Variants in SPATA16 observed in about 807,000 individuals in gnomAD.
SPATA16 encodes the protein spermatogenesis-associated protein 16.
In SPATA16, 36 loss-of-function variants were observed where a neutral mutation model predicts 63.3. That is an observed-to-expected ratio of 0.57 (90% CI 0.44 to 0.75). The LOEUF (loss-of-function observed/expected upper bound fraction) is 0.75. SPATA16 is among the 30% of genes least tolerant of loss of function. The pLI, the probability that SPATA16 is intolerant of heterozygous loss-of-function variation, is 0.00. For missense variants in SPATA16, 646 were observed against 679.3 expected, an observed-to-expected ratio of 0.95 and a Z score of 0.54; for synonymous variants, 203 against 216.7, an observed-to-expected ratio of 0.94 and a Z score of 0.56.
In SPATA16 at chr3:172,913,671, A is replaced by G. The variant is rs62622782; in HGVS notation, c.1577T>C (p.Met526Thr). The G allele has an allele frequency of 0.021, 34,495 of 1,612,806 alleles. 458 individuals are homozygous for G. The highest frequency in any genetic ancestry group is 0.046 in the Middle Eastern group (281 of 6,044). ...RRNNNERVWN[M>T]IQKVGQIEDF... ...AGCTCAAAGTTTTACCTTTTGGATC[A>G]TATTCCACACACGTTCATTATTGTT... Residue 526 changes from methionine to threonine, a missense_variant, in exon 10 of 11, where the codon ATG (methionine) becomes ACG (threonine). By Grantham distance (81) the Met-to-Thr change is moderately conservative (BLOSUM62 -1). Coordinates refer to ENST00000351008, the MANE Select transcript of SPATA16 (RefSeq NM_031955.6).
intron 2 of SPATA16, among the ~76,000 whole-genome samples, chr3:173,071,468 A>C: frequency 6.6e-6 from 1 of 152,186 alleles, no homozygotes; most frequent in Non-Finnish European, 1.5e-5. Context: ...GGATCACATC[A>C]AGCTAAAAAA....
At chr3:173,129,883 G>A (rs1738324335) in intron 1 of SPATA16, among the ~76,000 whole-genome samples, 1 of 152,018 alleles carries the variant, frequency 6.6e-6, no homozygotes, top group African/African-American at 2.4e-5. Context: ...ACTGGAATGG[G>A]TACACTACGG....
intron 4 of SPATA16, among the ~76,000 whole-genome samples, chr3:172,987,066 G>GT (rs1172104669): frequency 1.3e-5 from 2 of 152,160 alleles, no homozygotes; most frequent in African/African-American, 2.4e-5. Flanking sequence ...CATTGAAGAA[G>GT]TTATTGTTCC....
At chr3:173,090,308 A>G (rs1157823048) in intron 2 of SPATA16, among the ~76,000 whole-genome samples, 1 of 151,902 alleles carries the variant, frequency 6.6e-6, no homozygotes, top group Non-Finnish European at 1.5e-5. Flanking sequence ...ATCCCCTTTC[A>G]CCTTCTGCAA....
At chr3:172,961,018 TTCTCTCTTTCTC>T (rs1335447581) in intron 5 of SPATA16, among the ~76,000 whole-genome samples, 1 of 52,490 alleles carries the variant, frequency 1.9e-5, no homozygotes, top group Non-Finnish European at 5.3e-5. Context: ...TTCTTTCTTT[TTCTCTCTTTCTC>T]TCTTTCTTTC....
intron 2 of SPATA16, among the ~76,000 whole-genome samples, chr3:173,051,579 T>A (rs1736096704): frequency 6.6e-6 from 1 of 151,966 alleles, no homozygotes; most frequent in Admixed American, 6.6e-5. Flanking sequence ...TCAAGTAATC[T>A]GCTCGCCTCA....
At chr3:173,110,105 A>T (rs1533699) in intron 2 of SPATA16, among the ~76,000 whole-genome samples, 57,675 of 152,082 alleles carry the variant, frequency 0.38, 13,172 homozygotes, top group African/African-American at 0.65. Flanking sequence ...CAAATTTTTT[A>T]AAATCATTAA....
chr3:173,065,601 T>C (rs1736499955), intron 2 of SPATA16, among the ~76,000 whole-genome samples: 1 of 152,078 alleles, frequency 6.6e-6, no homozygotes, highest in Admixed American at 6.5e-5. Context: ...GAGAGCAGTA[T>C]TAAAGAGGGC....
chr3:172,944,453 C>A (rs1733234164), intron 6 of SPATA16, among the ~76,000 whole-genome samples: 1 of 152,116 alleles, frequency 6.6e-6, no homozygotes, highest in African/African-American at 2.4e-5. Flanking sequence ...GACATGACAC[C>A]TACTCAAAAA....
At chr3:172,936,920 A>C (rs184971646) in intron 6 of SPATA16, among the ~76,000 whole-genome samples, 78 of 152,244 alleles carry the variant, frequency 5.1e-4, no homozygotes, top group Non-Finnish European at 8.8e-4. Context: ...CATACTGGCC[A>C]GGCTGGACTC....
At chr3:172,997,044 T>C (rs1014566469) in intron 4 of SPATA16, among the ~76,000 whole-genome samples, 1 of 152,180 alleles carries the variant, frequency 6.6e-6, no homozygotes, top group South Asian at 2.1e-4. Flanking sequence ...CTGAAGAACA[T>C]CTTGGTTGCA....
chr3:173,039,302 A>G (rs1163214778), intron 3 of SPATA16, among the ~76,000 whole-genome samples: 1 of 152,172 alleles, frequency 6.6e-6, no homozygotes, highest in Non-Finnish European at 1.5e-5. Context: ...AATCATCTTA[A>G]AATAATATGA....
chr3:172,921,183 A>T (rs1577089895), intron 8 of SPATA16, among the ~76,000 whole-genome samples: 3 of 151,204 alleles, frequency 2.0e-5, no homozygotes, highest in South Asian at 2.1e-4. Context: ...ATTACAGGCA[A>T]TTTTTTCCTA....
Position 173,117,284 on chromosome 3 carries a change from G to C in SPATA16, c.448C>G (p.Pro150Ala), listed in dbSNP as rs772188581. ...VESFMSTGSQ[P>A]TCQAAEIVDP... ...ACTATTTCAGCAGCTTGGCATGTTG[G>C]CTGACTCCCAGTAGACATGAAGGAC... The change falls in exon 2 of 11, where the codon CCA becomes GCA. Residue 150 changes from proline to alanine, a missense_variant. Transcript: ENST00000351008. 4 of 1,614,132 alleles carry C rather than the reference G, an allele frequency of 2.5e-6. No individual in the cohort carries two copies. The highest frequency in any genetic ancestry group is 2.2e-5 in the East Asian group (1 of 44,884).
At chr3:172,975,164 C>T (rs1560084940) in intron 5 of SPATA16, among the ~76,000 whole-genome samples, 1 of 152,012 alleles carries the variant, frequency 6.6e-6, no homozygotes, top group East Asian at 1.9e-4. Flanking sequence ...AATGTGCTGA[C>T]ATAACAAGAT....
In SPATA16 at chr3:172,978,167, A is replaced by C. The variant is rs542332581; in HGVS notation, c.849-1115T>G. On this transcript the variant is annotated intron_variant, in intron 4 of 10. Coordinates refer to ENST00000351008, the MANE Select transcript of SPATA16 (RefSeq NM_031955.6). ...TCTCTCTCTCTCTCTCTCTCTATAT[A>C]TATATATAAACACAGGTAGTATTGG... 1.6e-3 allele frequency among the ~76,000 whole-genome samples: 248 copies of C among 151,614 alleles called. 1 individual carries two copies. The highest frequency in any genetic ancestry group is 0.012 in the South Asian group (57 of 4,794).
chr3:172,937,258 A>G (rs537028216), intron 6 of SPATA16, among the ~76,000 whole-genome samples: 7 of 152,236 alleles, frequency 4.6e-5, no homozygotes, highest in Admixed American at 3.3e-4. Flanking sequence ...AAAGGATGAA[A>G]TGGTGAGGGA....
intron 2 of SPATA16, among the ~76,000 whole-genome samples, chr3:173,084,183 G>A (rs1475126020): frequency 2.0e-5 from 3 of 151,990 alleles, no homozygotes; most frequent in African/African-American, 2.4e-5. Flanking sequence ...GCTAGCATCT[G>A]TTGTTTCTTA....
intron 6 of SPATA16, among the ~76,000 whole-genome samples, chr3:172,947,424 A>G (rs1483110138): frequency 6.6e-6 from 1 of 152,138 alleles, no homozygotes; most frequent in Non-Finnish European, 1.5e-5. Flanking sequence ...CCTTTACGTA[A>G]TGTATGCTCT....
Sources: allele counts gnomAD v4.1 joint callset (sites outside exome capture counted in the v4.1 genomes callset), GRCh38; gene constraint gnomAD v4.1.1; transcripts MANE v1.5; gene names NCBI Gene and HGNC (gene_info 2026-07-23, HGNC 2026-07-21).